The following ADD1 variants were observed in gnomAD, a reference collection of about 807,000 sequenced individuals.
ADD1 encodes the protein adducin 1.
A neutral mutation model predicts 80.5 loss-of-function variants in ADD1; 24 were observed. The observed-to-expected ratio is 0.30, with a 90% CI of 0.22 to 0.42. The LOEUF (loss-of-function observed/expected upper bound fraction) is 0.42. Ranked by LOEUF, ADD1 falls within the 10% of genes least tolerant of loss-of-function variation. The pLI is 1.00. For synonymous variants in ADD1, 373 were observed against 393.8 expected (o/e 0.95, Z 0.63); for missense variants, 948 against 1,019.0 (o/e 0.93, Z 0.95).
At chr4:2,922,779 C>A (rs1191140931) in intron 14 of ADD1, among the ~76,000 whole-genome samples, 1 of 152,206 alleles carries the variant, frequency 6.6e-6, no homozygotes, top group African/African-American at 2.4e-5. Context: ...GGAGATGGGA[C>A]TTTTATCTAT....
At chr4:2,864,642 G>A (rs575345399) in intron 1 of ADD1, among the ~76,000 whole-genome samples, 1 of 152,096 alleles carries the variant, frequency 6.6e-6, no homozygotes, top group Admixed American at 6.5e-5. Flanking sequence ...CTGCCAGGTG[G>A]CCCTATGCTT....
intron 2 of ADD1, among the ~76,000 whole-genome samples, chr4:2,879,962 C>T (rs914877678): frequency 6.6e-6 from 1 of 152,096 alleles, no homozygotes; most frequent in Non-Finnish European, 1.5e-5. Context: ...TGATCCGCCT[C>T]CCTTGGCCTC....
chr4:2,860,156 C>T (rs1340325243), intron 1 of ADD1, among the ~76,000 whole-genome samples: 3 of 152,074 alleles, frequency 2.0e-5, no homozygotes, highest in Admixed American at 2.0e-4. Context: ...TTATAACTTC[C>T]CTGAGGTCTA....
intron 1 of ADD1, among the ~76,000 whole-genome samples, chr4:2,864,250 T>A (rs1407919143): frequency 6.6e-6 from 1 of 151,898 alleles, no homozygotes; most frequent in Non-Finnish European, 1.5e-5. Flanking sequence ...CCATCTCTAC[T>A]AAAATACAAA....
Position 2,875,737 on chromosome 4 carries a change from C to G in ADD1, c.-20-159C>G, listed in dbSNP as rs35983864. ...GAGGTGGTTGATCAGCCATGTGCCTCTGAGGCCACAAAGAAGCCTCACAGG... is the reference window on the plus strand; with the variant it reads ...GAGGTGGTTGATCAGCCATGTGCCTGTGAGGCCACAAAGAAGCCTCACAGG... On this transcript the variant is annotated intron_variant, in intron 1 of 15. Transcript: ENST00000683351. Among the ~76,000 whole-genome samples the G allele has an allele frequency of 9.9e-3, 1,508 of 152,290 alleles. 26 individuals are homozygous for G. Among genetic ancestry groups the G allele is most frequent in the African/African-American group, 0.035 (1,453 of 41,558 alleles).
chr4:2,917,152 C>T (rs1163045702), intron 14 of ADD1, among the ~76,000 whole-genome samples: 1 of 152,224 alleles, frequency 6.6e-6, no homozygotes, highest in African/African-American at 2.4e-5. Flanking sequence ...CTCCCACCAA[C>T]AGTGTAAAAG....
chr4:2,884,446 C>A, intron 3 of ADD1, 69 bp from the exon 4 acceptor site: 1 of 1,287,500 alleles, frequency 7.8e-7, no homozygotes. Flanking sequence ...CTGCCTTAGC[C>A]TTCTGAGTAA....
chr4:2,915,895 G>T (rs111811378), intron 14 of ADD1, among the ~76,000 whole-genome samples: 1 of 152,182 alleles, frequency 6.6e-6, no homozygotes, highest in African/African-American at 2.4e-5. Flanking sequence ...TGGAGGACTA[G>T]TGGTGGCCAC....
chr4:2,867,292 G>T (rs1311081818), intron 1 of ADD1, among the ~76,000 whole-genome samples: 1 of 152,142 alleles, frequency 6.6e-6, no homozygotes, highest in African/African-American at 2.4e-5. Context: ...ATTAGGTCTG[G>T]AGTTTGGGAT....
rs563537133 is a variant in ADD1, at chr4:2,928,893, T to C, written c.*370T>C. 1 of 223,772 alleles carries C rather than the reference T, an allele frequency of 4.5e-6. No homozygotes were observed. The highest frequency in any genetic ancestry group is 7.6e-5 in the South Asian group (1 of 13,096). 13.9% of individuals were successfully genotyped at this position (223,772 alleles called of 1,614,324 possible). On this transcript the variant is annotated 3_prime_UTR_variant, in exon 16 of 16. Coordinates refer to ENST00000683351, the MANE Select transcript of ADD1 (RefSeq NM_001354761.2). ...CTCCTGTTGTGAAATCACCACATTC[T>C]GTCTCTGCTTGGCTTCCCCTCCACC...
chr4:2,928,633 C>T lies in ADD1; in HGVS notation c.*110C>T, dbSNP rs2109248368. The T allele has an allele frequency of 8.1e-7, 1 of 1,240,422 alleles. No individual in the cohort carries two copies. Among genetic ancestry groups the T allele is most frequent in the Non-Finnish European group, 1.1e-6 (1 of 879,004 alleles). 76.8% of individuals were successfully genotyped at this position (1,240,422 alleles called of 1,614,324 possible). The stretch of plus-strand genomic sequence containing the variant: ...ATGGAATGCAAAAAAGCCAAGCCCT[C>T]CGCCTAGAGGTCCCCTCACGTGACC... On this transcript the variant is annotated 3_prime_UTR_variant, in exon 16 of 16. Transcript: ENST00000683351.
chr4:2,910,634 G>A (rs1047542852), intron 13 of ADD1, among the ~76,000 whole-genome samples: 5 of 151,542 alleles, frequency 3.3e-5, no homozygotes, highest in Non-Finnish European at 5.9e-5. Flanking sequence ...CAGCACTGAG[G>A]ACCTTGTTAG....
At chr4:2,921,043 T>C (rs879194748) in intron 14 of ADD1, among the ~76,000 whole-genome samples, 1 of 152,228 alleles carries the variant, frequency 6.6e-6, no homozygotes, top group Non-Finnish European at 1.5e-5. Flanking sequence ...GGTGAGAAAA[T>C]CTCTCAGCAT....
intron 1 of ADD1, among the ~76,000 whole-genome samples, chr4:2,864,072 A>T (rs893606633): frequency 3.3e-5 from 5 of 152,192 alleles, no homozygotes; most frequent in Non-Finnish European, 5.9e-5. Flanking sequence ...CCTACATTTT[A>T]TGACCTGTGA....
intron 2 of ADD1, among the ~76,000 whole-genome samples, chr4:2,880,049 C>G (rs1265970760): frequency 6.6e-6 from 1 of 152,196 alleles, no homozygotes; most frequent in African/African-American, 2.4e-5. Flanking sequence ...CTTTCTCTCT[C>G]ATTGCATTGT....
intron 1 of ADD1, 132 bp downstream of exon 1, chr4:2,844,156 G>T (rs1373124916): frequency 1.4e-5 from 2 of 147,380 alleles, no homozygotes; most frequent in South Asian, 1.8e-4. Context: ...CCTCGGGGGC[G>T]GGGAGGCCGC....
intron 10 of ADD1, 36 bp downstream of exon 10, chr4:2,905,144 G>A (rs1217662941): frequency 1.9e-6 from 3 of 1,598,686 alleles, no homozygotes; most frequent in Non-Finnish European, 2.6e-6. Flanking sequence ...GTTAGATGAC[G>A]TAGAGCAAGT....
At chr4:2,915,131 G>A (rs1738777010) in intron 14 of ADD1, 91 bp downstream of exon 14, 1 of 1,374,320 alleles carries the variant, frequency 7.3e-7, no homozygotes, top group South Asian at 1.5e-5. Flanking sequence ...TGTGGGTGGT[G>A]ATAAGAATAG....
At chr4:2,899,484 T>C (rs1459232961) in intron 9 of ADD1, 49 bp downstream of exon 9, 2 of 1,606,492 alleles carry the variant, frequency 1.2e-6, no homozygotes, top group South Asian at 2.2e-5. Context: ...TCTAAAAGCA[T>C]CAGTGTTGGT....
Sources: gnomAD v4.1 joint callset for allele counts (sites outside exome capture counted in the v4.1 genomes callset) on GRCh38, gnomAD v4.1.1 for gene constraint, MANE v1.5 for transcripts, NCBI Gene and HGNC (gene_info 2026-07-23, HGNC 2026-07-21) for gene names.